HTRA3: variants seen among roughly 807,000 people sequenced by gnomAD.
The protein encoded by HTRA3 is serine protease HTRA3.
In HTRA3, 41 loss-of-function variants were observed where a neutral mutation model predicts 43.2. The ratio of observed to expected loss-of-function variants is 0.95; its 90% CI spans 0.74 to 1.23. HTRA3 has a LOEUF of 1.23. Among genes scored for constraint, HTRA3 ranks in the 50% most tolerant of loss-of-function variants. The pLI, the probability that HTRA3 is intolerant of heterozygous loss-of-function variation, is 0.00. For synonymous variants in HTRA3, 295 were observed against 287.9 expected (o/e 1.02, Z -0.25); for missense variants, 628 against 647.1 (o/e 0.97, Z 0.32).
Position 8,296,549 on chromosome 4 carries a change from T to C in HTRA3, c.1051+2348T>C. 1.0e-6 allele frequency: 1 copy of C among 984,886 alleles called. No homozygotes were observed. The highest frequency in any genetic ancestry group is 1.2e-6 in the Non-Finnish European group (1 of 829,422). The allele number at this position is 984,886 out of a possible 1,614,324, so 61.0% of individuals were successfully genotyped here. On this transcript the variant is annotated intron_variant, in intron 6 of 8. Coordinates refer to ENST00000307358, the MANE Select transcript of HTRA3 (RefSeq NM_053044.5). This position sits in a 1 kb window ranked among gnomAD's most constrained non-coding sequence, Gnocchi z 5.3. ...AGGAGATGTTAAGTGCATTTATTAT[T>C]CTCGTCTGGAGGTGGGGTGCAGAGG...
rs763401663 is a variant in HTRA3 at position 8,282,437 on chromosome 4, G to T, written c.386G>T (p.Gly129Val). The T allele has an allele frequency of 3.7e-6, 6 of 1,612,546 alleles. No individual in the cohort carries two copies. In the South Asian group the frequency reaches 6.6e-5, roughly 18 times the overall value. The change falls in exon 2 of 9, where the codon GGT becomes GTT. Residue 129 changes from glycine to valine, a missense_variant and splice_region_variant. Coordinates refer to ENST00000307358, the MANE Select transcript of HTRA3 (RefSeq NM_053044.5). Reference sequence around the variant, plus strand: ...CACCTGGCCCTTCCCGCCAGCGCAGGTCTCCACCAGCTGAGCAGCCCGCGC... The same window carrying T: ...CACCTGGCCCTTCCCGCCAGCGCAGTTCTCCACCAGCTGAGCAGCCCGCGC... Reference protein sequence around the residue: ...RQLQKGACPLGLHQLSSPRYK... With the variant: ...RQLQKGACPLVLHQLSSPRYK...
At chr4:8,301,870 A>G (rs1713666432) in intron 6 of HTRA3, among the ~76,000 whole-genome samples, 1 of 152,198 alleles carries the variant, frequency 6.6e-6, no homozygotes, top group Non-Finnish European at 1.5e-5. Context: ...CAGAACTCTT[A>G]TATAAAATGA....
In HTRA3 at chr4:8,270,183, A is replaced by G; in HGVS notation, c.215A>G (p.Glu72Gly). ...GGCCCTCTGGACTCGCCTTGCGGCG[A>G]GAGCCTGGAGTGCGTGCGCGGCCTA... ...CGGPLDSPCG[E>G]SLECVRGLCR... Residue 72 changes from glutamate to glycine, a missense_variant, in exon 1 of 9, where the codon GAG becomes GGG. Coordinates refer to ENST00000307358, the MANE Select transcript of HTRA3 (RefSeq NM_053044.5). 1 of 1,533,356 alleles carries G rather than the reference A, an allele frequency of 6.5e-7. No homozygotes were observed. Among genetic ancestry groups the G allele is most frequent in the East Asian group, 2.6e-5 (1 of 38,388 alleles). The allele number at this position is 1,533,356 out of a possible 1,614,324, so 95.0% of individuals were successfully genotyped here.
chr4:8,291,519 C>T lies in HTRA3; in HGVS notation c.858C>T (p.Leu286=). 1 of 1,611,316 alleles carries T rather than the reference C, an allele frequency of 6.2e-7. No individual in the cohort carries two copies. The highest frequency in any genetic ancestry group is 1.3e-5 in the African/African-American group (1 of 75,012). ...TAQREGRELG[L]RDSDMDYIQT... is the part of the protein sequence containing the mutation. ...AGCGGGAGGGCAGGGAGCTGGGCCT[C>T]CGGGACTCCGACATGGACTACATCC... Residue 286 remains leucine (L), a synonymous_variant, in exon 4 of 9, where the codon CTC becomes CTT. Coordinates refer to ENST00000307358, the MANE Select transcript of HTRA3 (RefSeq NM_053044.5).
intron 1 of HTRA3, among the ~76,000 whole-genome samples, chr4:8,271,520 C>T (rs544816161): frequency 1.3e-5 from 2 of 152,282 alleles, no homozygotes; most frequent in African/African-American, 2.4e-5. Context: ...GAAGAGCCAC[C>T]GCAGGGTTTG....
At chr4:8,290,729 A>G (rs566328531) in intron 3 of HTRA3, among the ~76,000 whole-genome samples, 5 of 152,232 alleles carry the variant, frequency 3.3e-5, no homozygotes, top group Non-Finnish European at 5.9e-5. Flanking sequence ...CCTTGCTGCC[A>G]GGCTAGTTGC....
Position 8,306,483 on chromosome 4 carries a change from C to T in HTRA3, c.*347C>T, listed in dbSNP as rs548243199. On this transcript the variant is annotated 3_prime_UTR_variant, in exon 9 of 9. Transcript: ENST00000307358. This position sits in a 1 kb window ranked among gnomAD's most constrained non-coding sequence, Gnocchi z 8.9. ...CCCTGTGAACACCCATCTGCAGTAT[C>T]CCCTGCTCCTGCCCCTCCTACTGCA... is the stretch of plus-strand genomic sequence containing the variant. 9.7e-6 allele frequency: 2 copies of T among 206,390 alleles called. No individual in the cohort carries two copies. Among genetic ancestry groups the T allele is most frequent in the African/African-American group, 2.3e-5 (1 of 42,984 alleles). The allele number at this position is 206,390 out of a possible 1,614,324, so 12.8% of individuals were successfully genotyped here.
At position 8,270,047 on chromosome 4, in the gene HTRA3, G is replaced by A. The variant is rs768994817; in HGVS notation, c.79G>A (p.Ala27Thr). The A allele has an allele frequency of 2.8e-6, 4 of 1,441,370 alleles. No individual in the cohort carries two copies. The highest frequency in any genetic ancestry group is 3.6e-6 in the Non-Finnish European group (4 of 1,103,744). The allele number at this position is 1,441,370 out of a possible 1,614,324, so 89.3% of individuals were successfully genotyped here. ...GGAGCCCCCTGCGGCGCCGTGTCCC[G>A]CGCGCTGCGACGTGTCGCGGTGTCC... ...AREPPAAPCP[A>T]RCDVSRCPSP... is the part of the protein sequence containing the mutation. The change falls in exon 1 of 9, where the codon GCG becomes ACG. Residue 27 changes from alanine to threonine, a missense_variant. By Grantham distance (58) the Ala-to-Thr change is moderately conservative. Coordinates refer to ENST00000307358, the MANE Select transcript of HTRA3 (RefSeq NM_053044.5).
intron 3 of HTRA3, among the ~76,000 whole-genome samples, chr4:8,290,123 G>A (rs1325951916): frequency 5.9e-5 from 9 of 152,332 alleles, no homozygotes; most frequent in South Asian, 2.1e-4. Flanking sequence ...GCCTGGTTCC[G>A]CCACCTGGCA....
Position 8,290,534 on chromosome 4 carries a change from C to T in HTRA3, c.709-836C>T, listed in dbSNP as rs143268902. Among the ~76,000 whole-genome samples, 247 of 152,356 alleles carry T rather than the reference C, an allele frequency of 1.6e-3. 1 individual carries two copies. Among genetic ancestry groups the T allele is most frequent in the African/African-American group, 5.6e-3 (233 of 41,586 alleles). On this transcript the variant is annotated intron_variant, in intron 3 of 8. Coordinates refer to ENST00000307358, the MANE Select transcript of HTRA3 (RefSeq NM_053044.5). ...GAGACTTTCCGCCAGCTTCCCTCAA[C>T]GGTGACATCTTAGGTAATGGGTGCA... is the stretch of plus-strand genomic sequence containing the variant.
chr4:8,284,122 T>C (rs1712865629), intron 2 of HTRA3, among the ~76,000 whole-genome samples: 1 of 152,158 alleles, frequency 6.6e-6, no homozygotes. Context: ...AAAACAGCCC[T>C]GGAGGCACCA....
rs1712678495 is a variant in HTRA3, at chr4:8,279,986, G to A, written c.386-2451G>A. On this transcript the variant is annotated intron_variant, in intron 1 of 8. Coordinates refer to ENST00000307358, the MANE Select transcript of HTRA3 (RefSeq NM_053044.5). The surrounding 1 kb of genome is among the most constrained non-coding windows in gnomAD (Gnocchi z 7.4). Reference sequence around the variant, plus strand: ...ACGAGTGGCTTGAATAAGGCTGTGAGCAGCGGCAGATTCGGTACAACTGGG... The same window carrying A: ...ACGAGTGGCTTGAATAAGGCTGTGAACAGCGGCAGATTCGGTACAACTGGG... Among the ~76,000 whole-genome samples, 1 of 152,198 alleles carries A rather than the reference G, an allele frequency of 6.6e-6. No homozygotes were observed. Among genetic ancestry groups the A allele is most frequent in the South Asian group, 2.1e-4 (1 of 4,834 alleles).
chr4:8,278,616 A>G (rs1445377179), intron 1 of HTRA3, among the ~76,000 whole-genome samples: 2 of 151,800 alleles, frequency 1.3e-5, no homozygotes, highest in Non-Finnish European at 2.9e-5. Context: ...TGTTGGGAGG[A>G]GGAGCTGGGG....
At position 8,296,466 on chromosome 4, in the gene HTRA3, T is replaced by C; in HGVS notation, c.1051+2265T>C. The C allele has an allele frequency of 5.1e-6, 5 of 985,128 alleles. No individual in the cohort carries two copies. Among genetic ancestry groups the C allele is most frequent in the Non-Finnish European group, 6.0e-6 (5 of 829,606 alleles). 61.0% of individuals were successfully genotyped at this position (985,128 alleles called of 1,614,324 possible). ...CTCTTTTTTATTTAATAAAATCCAA[T>C]GATCCAAACCCAGTTAATCTAAAGT... On this transcript the variant is annotated intron_variant, in intron 6 of 8. Transcript: ENST00000307358. This position sits in a 1 kb window ranked among gnomAD's most constrained non-coding sequence, Gnocchi z 5.3.
chr4:8,270,634 T>A (rs1712231369), intron 1 of HTRA3, among the ~76,000 whole-genome samples: 1 of 152,176 alleles, frequency 6.6e-6, no homozygotes, highest in African/African-American at 2.4e-5. Flanking sequence ...TCTGGTCTCT[T>A]CAGAACTGAT....
chr4:8,270,325 C>T lies in HTRA3; in HGVS notation c.357C>T (p.Arg119=). The T allele has an allele frequency of 6.9e-7, 1 of 1,448,002 alleles. No homozygotes were observed. Among genetic ancestry groups the T allele is most frequent in the Middle Eastern group, 2.5e-4 (1 of 4,064 alleles). The allele number at this position is 1,448,002 out of a possible 1,614,324, so 89.7% of individuals were successfully genotyped here. ...TGCAGCTCTCCGGGACGCCCGTGCG[C>T]CAGCTGCAGAAGGGCGCCTGCCCGT... ...RALQLSGTPV[R]QLQKGACPLG... The change falls in exon 1 of 9, where the codon CGC becomes CGT. Residue 119 remains arginine, a synonymous_variant. Transcript: ENST00000307358.
At chr4:8,301,721 T>G (rs1713663330) in intron 6 of HTRA3, among the ~76,000 whole-genome samples, 1 of 152,226 alleles carries the variant, frequency 6.6e-6, no homozygotes, top group Admixed American at 6.5e-5. Flanking sequence ...TAATATATTA[T>G]ACATTCATTT....
intron 1 of HTRA3, among the ~76,000 whole-genome samples, chr4:8,277,820 A>T (rs1712588279): frequency 6.6e-6 from 1 of 152,168 alleles, no homozygotes; most frequent in Non-Finnish European, 1.5e-5. Context: ...ACCCATGGCT[A>T]TCCACTCATG....
rs890045220 is a variant in HTRA3, at chr4:8,291,393, G to A, written c.732G>A (p.Leu244=). The change falls in exon 4 of 9, where the codon CTG becomes CTA. Residue 244 remains leucine, a synonymous_variant. Coordinates refer to ENST00000307358, the MANE Select transcript of HTRA3 (RefSeq NM_053044.5). ...HPKKKLPVLL[L]GHSADLRPGE... is the part of the protein sequence containing the mutation. ...AGAAAAAGCTCCCTGTGTTGTTGCT[G>A]GGTCACTCGGCCGACCTGCGGCCTG... 14 of 1,613,436 alleles carry A rather than the reference G, an allele frequency of 8.7e-6. No homozygotes were observed. Among genetic ancestry groups the A allele is most frequent in the Admixed American group, 1.7e-5 (1 of 60,008 alleles).
Sources: allele counts gnomAD v4.1 joint callset (sites outside exome capture counted in the v4.1 genomes callset), GRCh38; gene constraint gnomAD v4.1.1; non-coding constraint Gnocchi (gnomAD v3.1); transcripts MANE v1.5; gene names NCBI Gene and HGNC (gene_info 2026-07-23, HGNC 2026-07-21).